Variants in PTPN13 observed in about 807,000 individuals in gnomAD.
The protein encoded by PTPN13 is tyrosine-protein phosphatase non-receptor type 13.
PTPN13 carries 191 observed loss-of-function variants against 284.0 expected under a neutral mutation model. The observed-to-expected ratio is 0.67, with a 90% CI of 0.60 to 0.76. The LOEUF (loss-of-function observed/expected upper bound fraction) is 0.76, where lower values mean the gene tolerates loss of function less well. Among genes scored for constraint, PTPN13 ranks in the 30% least tolerant of loss-of-function variants. PTPN13 has a pLI of 0.00. For missense variants in PTPN13, 2,797 were observed against 2,939.9 expected, an observed-to-expected ratio of 0.95 and a Z score of 1.12; for synonymous variants, 986 against 1,022.3, an observed-to-expected ratio of 0.96 and a Z score of 0.68.
chr4:86,659,968 A>G (rs374009114), intron 2 of PTPN13, among the ~76,000 whole-genome samples: 2 of 152,218 alleles, frequency 1.3e-5, no homozygotes, highest in South Asian at 2.1e-4. Flanking sequence ...AAACATTTTC[A>G]TATGAAAACT....
chr4:86,809,919 A>G lies in PTPN13; in HGVS notation c.7234A>G (p.Ile2412Val), dbSNP rs768189344. The change falls in exon 46 of 48, where the codon ATT becomes GTT. Residue 2412 changes from isoleucine (I) to valine (V), a missense_variant. Physicochemically the swap from Ile to Val is conservative, Grantham distance 29. Transcript: ENST00000411767. ...AATCATTACGCACTGCAGTGCTGGC[A>G]TTGGACGTTCAGGGACCCTGATTTG... ...GPIITHCSAGIGRSGTLICID... is the reference protein window; with the variant it reads ...GPIITHCSAGVGRSGTLICID... 3 of 1,614,032 alleles carry G rather than the reference A, an allele frequency of 1.9e-6. No homozygotes were observed. The highest frequency in any genetic ancestry group is 2.2e-5 in the East Asian group (1 of 44,870).
At chr4:86,612,262 T>C (rs772783736) in intron 1 of PTPN13, among the ~76,000 whole-genome samples, 8 of 152,158 alleles carry the variant, frequency 5.3e-5, no homozygotes, top group Admixed American at 1.3e-4. Context: ...CAGGAAAATA[T>C]GATCTATAAT....
In PTPN13 at chr4:86,791,542, G is replaced by A. The variant is rs529709655; in HGVS notation, c.6346-5332G>A. Reference sequence around the variant, plus strand: ...TTCGAACTCTGAGAATGGACAGACTGCCTCCTCAAGTGGGTCCCTGATCCC... The same window carrying A: ...TTCGAACTCTGAGAATGGACAGACTACCTCCTCAAGTGGGTCCCTGATCCC... On this transcript the variant is annotated intron_variant, in intron 40 of 47. Transcript: ENST00000411767. 9.8e-5 allele frequency among the ~76,000 whole-genome samples: 15 copies of A among 152,352 alleles called. No homozygotes were observed. The East Asian group carries it at 2.3e-3, about 24-fold the overall frequency.
At chr4:86,649,434 T>C (rs1315328789) in intron 2 of PTPN13, among the ~76,000 whole-genome samples, 1 of 152,174 alleles carries the variant, frequency 6.6e-6, no homozygotes, top group Non-Finnish European at 1.5e-5. Context: ...CTATCTTCAT[T>C]CTTCGACATA....
chr4:86,595,018 T>C (rs1201534274), intron 1 of PTPN13, among the ~76,000 whole-genome samples: 2 of 151,918 alleles, frequency 1.3e-5, no homozygotes, highest in Non-Finnish European at 2.9e-5. Flanking sequence ...TGAAACTCCA[T>C]TGCTAATTAG....
At position 86,771,204 on chromosome 4, in the gene PTPN13, AAC is replaced by A; in HGVS notation, c.4839_4840del (p.Asn1613LysfsTer3). The A allele has an allele frequency of 6.2e-7, 1 of 1,612,034 alleles. No individual in the cohort carries two copies. Among genetic ancestry groups the A allele is most frequent in the Non-Finnish European group, 8.5e-7 (1 of 1,179,006 alleles). ...PLQSPAQVLP[N>X]SSKDSSQPSC... The stretch of plus-strand genomic sequence containing the variant: ...TCAGTCTCCAGCACAAGTACTTCCA[AAC>A]AGCAGTAAAGACTCTTCTCAGCCAT... On this transcript the variant is annotated frameshift_variant, in exon 31 of 48. Transcript: ENST00000411767. LOFTEE classifies it high-confidence loss of function.
intron 35 of PTPN13, among the ~76,000 whole-genome samples, chr4:86,779,544 A>G (rs1227782987): frequency 6.6e-6 from 1 of 152,180 alleles, no homozygotes. Context: ...TCTGTAAGAA[A>G]GCCTGTTTTT....
chr4:86,642,018 TA>T (rs1173544979), intron 2 of PTPN13, among the ~76,000 whole-genome samples: 1 of 152,226 alleles, frequency 6.6e-6, no homozygotes, highest in Admixed American at 6.5e-5. Context: ...TGTAGTTACA[TA>T]TTTTCGCAAT....
intron 1 of PTPN13, among the ~76,000 whole-genome samples, chr4:86,623,900 C>T (rs774613263): frequency 1.4e-4 from 21 of 152,096 alleles, no homozygotes; most frequent in Non-Finnish European, 2.6e-4. Context: ...TATTACCATA[C>T]GATATTCTAG....
intron 2 of PTPN13, among the ~76,000 whole-genome samples, chr4:86,666,855 C>T (rs960995702): frequency 2.0e-5 from 3 of 152,146 alleles, no homozygotes; most frequent in African/African-American, 7.2e-5. Flanking sequence ...CTGCTACTTG[C>T]TGTACAGGTG....
intron 1 of PTPN13, among the ~76,000 whole-genome samples, chr4:86,617,023 TA>T (rs77762421): frequency 0.25 from 38,720 of 151,944 alleles, 5,021 homozygotes; most frequent in East Asian, 0.3. Flanking sequence ...AGTAGGAATT[TA>T]AAATTTTTAT....
intron 17 of PTPN13, among the ~76,000 whole-genome samples, chr4:86,745,736 A>G (rs954184585): frequency 5.9e-5 from 9 of 152,110 alleles, no homozygotes; most frequent in East Asian, 1.9e-4. Flanking sequence ...AGGTCGCACC[A>G]TTGCACTCCA....
At chr4:86,747,584 T>C (rs137959140) in intron 17 of PTPN13, among the ~76,000 whole-genome samples, 35 of 127,298 alleles carry the variant, frequency 2.7e-4, no homozygotes, top group Admixed American at 4.6e-4. Flanking sequence ...GCAGCAGCAG[T>C]AGTAGTAGTA....
intron 2 of PTPN13, among the ~76,000 whole-genome samples, chr4:86,657,668 G>T (rs987444142): frequency 6.6e-6 from 1 of 152,158 alleles, no homozygotes; most frequent in African/African-American, 2.4e-5. Context: ...TTTATTCAAG[G>T]ACCATGACCA....
chr4:86,707,013 A>T (rs932755269), intron 7 of PTPN13, among the ~76,000 whole-genome samples: 1 of 152,112 alleles, frequency 6.6e-6, no homozygotes, highest in African/African-American at 2.4e-5. Flanking sequence ...GGAGTATCTG[A>T]CAAATGTCTC....
chr4:86,808,025 A>G (rs1565631274), intron 45 of PTPN13, 128 bp downstream of exon 45: 2 of 763,082 alleles, frequency 2.6e-6, no homozygotes, highest in East Asian at 2.7e-5. Flanking sequence ...TTCCCATGCA[A>G]TGGAACTAAT....
At chr4:86,655,795 C>T (rs1725725928) in intron 2 of PTPN13, among the ~76,000 whole-genome samples, 1 of 152,152 alleles carries the variant, frequency 6.6e-6, no homozygotes, top group Admixed American at 6.5e-5. Context: ...GCCTGCCTTG[C>T]TAGGTTGGGG....
intron 6 of PTPN13, among the ~76,000 whole-genome samples, chr4:86,698,875 G>T (rs1027388899): frequency 1.3e-5 from 2 of 152,158 alleles, no homozygotes; most frequent in African/African-American, 4.8e-5. Flanking sequence ...GAAGAGTTTG[G>T]TTTGGTTTGA....
At position 86,753,014 on chromosome 4, in the gene PTPN13, A is replaced by G. The variant is rs1737562883; in HGVS notation, c.3172A>G (p.Thr1058Ala). ...ATATTTAATTTATGCCACAGGAATGACTATGCATAGTTCTGGAAACTCTTC... is the reference window on the plus strand; with the variant it reads ...ATATTTAATTTATGCCACAGGAATGGCTATGCATAGTTCTGGAAACTCTTC... ...DPGQAYVLGM[T>A]MHSSGNSSSQ... The change falls in exon 20 of 48, where the codon ACT (threonine) becomes GCT (alanine). Residue 1058 changes from threonine (T) to alanine (A), a missense_variant. Coordinates refer to ENST00000411767, the MANE Select transcript of PTPN13 (RefSeq NM_080683.3). 7 of 1,605,400 alleles carry G rather than the reference A, an allele frequency of 4.4e-6. No homozygotes were observed. The highest frequency in any genetic ancestry group is 6.0e-6 in the Non-Finnish European group (7 of 1,173,824).
Sources: gnomAD v4.1 joint callset for allele counts (sites outside exome capture counted in the v4.1 genomes callset) on GRCh38, gnomAD v4.1.1 for gene constraint, MANE v1.5 for transcripts, NCBI Gene and HGNC (gene_info 2026-07-23, HGNC 2026-07-21) for gene names.